Variants in KIAA1671 observed in about 807,000 individuals in gnomAD.
KIAA1671 encodes the protein uncharacterized protein KIAA1671.
In KIAA1671, 52 loss-of-function variants were observed where a neutral mutation model predicts 131.2. The ratio of observed to expected loss-of-function variants is 0.40; its 90% CI spans 0.32 to 0.50. The LOEUF is 0.50. Among genes scored for constraint, KIAA1671 ranks in the 20% least tolerant of loss-of-function variants. The pLI is 0.73. For synonymous variants in KIAA1671, 1,003 were observed against 961.6 expected (o/e 1.04, Z -0.80); for missense variants, 2,360 against 2,364.2 (o/e 1.00, Z 0.04).
At position 25,029,241 on chromosome 22, in the gene KIAA1671, T is replaced by C; in HGVS notation, c.1242T>C (p.Ala414=). The C allele has an allele frequency of 2.7e-6, 4 of 1,475,802 alleles. No individual in the cohort carries two copies. In the Admixed American group the frequency reaches 7.2e-5, roughly 27 times the overall value. The allele number at this position is 1,475,802 out of a possible 1,614,324, so 91.4% of individuals were successfully genotyped here. ...SPRLGRGLEL[A]EVKSRVADGE... ...GGCTGGGAAGGGGCCTAGAACTTGC[T>C]GAGGTTAAGAGCAGAGTGGCGGATG... The change falls in exon 3 of 13, where the codon GCT becomes GCC. Residue 414 remains alanine, a synonymous_variant. Transcript: ENST00000358431.
chr22:24,979,350 A>ATTTTT (rs774816891), intron 1 of KIAA1671, among the ~76,000 whole-genome samples: 2 of 134,776 alleles, frequency 1.5e-5, no homozygotes, highest in East Asian at 4.4e-4. Flanking sequence ...TTATTTATTT[A>ATTTTT]TTTATTTATT....
chr22:24,979,268 G>A (rs1430160348), intron 1 of KIAA1671, among the ~76,000 whole-genome samples: 4 of 149,034 alleles, frequency 2.7e-5, no homozygotes, highest in East Asian at 2.0e-4. Flanking sequence ...TGCCTGCCTC[G>A]GCCTCCCAAT....
At chr22:24,963,939 C>CAA (rs774845548) in intron 1 of KIAA1671, among the ~76,000 whole-genome samples, 9 of 66,286 alleles carry the variant, frequency 1.4e-4, no homozygotes, top group African/African-American at 2.7e-4. Flanking sequence ...GATTCCATCT[C>CAA]AAAAAAAAAA....
intron 6 of KIAA1671, among the ~76,000 whole-genome samples, chr22:25,087,237 G>A (rs1929773531): frequency 6.8e-6 from 1 of 147,978 alleles, no homozygotes; most frequent in African/African-American, 2.5e-5. Context: ...TGCTGAATCT[G>A]CCCACTCTTA....
At chr22:24,985,031 G>A (rs183579909) in intron 1 of KIAA1671, among the ~76,000 whole-genome samples, 1 of 152,082 alleles carries the variant, frequency 6.6e-6, no homozygotes, top group Admixed American at 6.6e-5. Context: ...AGATGAAATG[G>A]CAGGATAATT....
At chr22:24,961,151 GGCATGCACCACCAC>G (rs1394169193) in intron 1 of KIAA1671, among the ~76,000 whole-genome samples, 2 of 152,126 alleles carry the variant, frequency 1.3e-5, no homozygotes, top group Non-Finnish European at 2.9e-5. Context: ...TGGGATTACA[GGCATGCACCACCAC>G]GCCTGGCTAA....
At chr22:25,014,905 A>C (rs542446183) in intron 1 of KIAA1671, 2 of 152,130 alleles carry the variant, frequency 1.3e-5, no homozygotes, top group African/African-American at 2.4e-5. Flanking sequence ...AATCTAAAGC[A>C]GGGGTCAGCA....
chr22:25,175,173 A>C (rs1933979388), intron 8 of KIAA1671: 1 of 152,176 alleles, frequency 6.6e-6, no homozygotes. Flanking sequence ...CCCCACCTCC[A>C]GGGGTCAGGC....
chr22:25,019,268 C>T (rs1925529193), intron 1 of KIAA1671, among the ~76,000 whole-genome samples: 1 of 152,090 alleles, frequency 6.6e-6, no homozygotes. Flanking sequence ...CTCCTCCAGC[C>T]TCAGTTTACT....
chr22:24,955,911 G>C (rs972569771), intron 1 of KIAA1671, among the ~76,000 whole-genome samples: 2 of 151,894 alleles, frequency 1.3e-5, no homozygotes, highest in African/African-American at 4.8e-5. Flanking sequence ...TGTTCTCCTG[G>C]CTACTTGGGA....
chr22:25,086,482 C>T (rs1443120893), intron 6 of KIAA1671, among the ~76,000 whole-genome samples: 1 of 152,184 alleles, frequency 6.6e-6, no homozygotes, highest in African/African-American at 2.4e-5. Context: ...GAATGTATCT[C>T]GTTCATCTTT....
intron 10 of KIAA1671, among the ~76,000 whole-genome samples, chr22:25,182,864 T>C (rs1205057679): frequency 6.6e-6 from 1 of 152,158 alleles, no homozygotes; most frequent in Non-Finnish European, 1.5e-5. Context: ...CAGAAAATGA[T>C]CATTTCAGTA....
intron 1 of KIAA1671, among the ~76,000 whole-genome samples, chr22:24,953,483 C>T (rs1026662263): frequency 1.2e-4 from 19 of 152,182 alleles, no homozygotes; most frequent in African/African-American, 4.1e-4. Context: ...TCCTCTCGGC[C>T]TGGCCTGCGC....
chr22:25,173,626 A>T (rs1933923762), intron 7 of KIAA1671, among the ~76,000 whole-genome samples: 1 of 152,238 alleles, frequency 6.6e-6, no homozygotes, highest in Admixed American at 6.5e-5. Flanking sequence ...ATTATAAATA[A>T]AAAAGAATTA....
At chr22:25,060,076 A>C (rs1928079290) in intron 6 of KIAA1671, 1 of 152,152 alleles carries the variant, frequency 6.6e-6, no homozygotes, top group East Asian at 1.9e-4. Context: ...TTTCGTGACA[A>C]ATGGTGGGGA....
At chr22:25,140,890 G>C (rs1041152733) in intron 6 of KIAA1671, among the ~76,000 whole-genome samples, 4 of 152,198 alleles carry the variant, frequency 2.6e-5, no homozygotes, top group African/African-American at 9.7e-5. Context: ...CTCCTGGACA[G>C]GTCATTGGTC....
chr22:25,019,398 C>T (rs1464807588), intron 1 of KIAA1671, among the ~76,000 whole-genome samples: 2 of 151,974 alleles, frequency 1.3e-5, no homozygotes, highest in Non-Finnish European at 2.9e-5. Flanking sequence ...GCTTAATAAA[C>T]GATAGTTATT....
chr22:24,955,548 C>T (rs1433560607), intron 1 of KIAA1671, among the ~76,000 whole-genome samples: 1 of 152,122 alleles, frequency 6.6e-6, no homozygotes. Flanking sequence ...GCCAGCCATG[C>T]TTAGTGGTTT....
intron 6 of KIAA1671, among the ~76,000 whole-genome samples, chr22:25,129,172 GT>G (rs1373673729): frequency 2.0e-5 from 3 of 151,700 alleles, no homozygotes; most frequent in Non-Finnish European, 4.4e-5. Context: ...GGGCGGGGCG[GT>G]GGGGGGGCTC....
Sources: allele counts gnomAD v4.1 joint callset (sites outside exome capture counted in the v4.1 genomes callset), GRCh38; gene constraint gnomAD v4.1.1; transcripts MANE v1.5; gene names NCBI Gene and HGNC (gene_info 2026-07-23, HGNC 2026-07-21).